MAP6: variants seen among roughly 807,000 people sequenced by gnomAD.
MAP6 encodes microtubule associated protein 6.
Under a neutral mutation model 42.4 loss-of-function variants are expected in MAP6, and 26 were observed. That is an observed-to-expected ratio of 0.61 (90% CI 0.45 to 0.85). MAP6 has a LOEUF of 0.85. Ranked by LOEUF, MAP6 falls within the 40% of genes least tolerant of loss-of-function variation. The pLI is 0.00. For synonymous variants in MAP6, 418 were observed against 443.8 expected (o/e 0.94, Z 0.73); for missense variants, 966 against 1,099.0 (o/e 0.88, Z 1.71).
rs557888960 is a variant in MAP6, at chr11:75,667,114, A to G, written c.905+351T>C. On this transcript the variant is annotated intron_variant, in intron 1 of 3. Transcript: ENST00000304771. This position sits in a 1 kb window ranked among gnomAD's most constrained non-coding sequence, Gnocchi z 5.6. ...CAAAGGGCAACATCCAGGCTAACGCAGCAGGTGAGTTGGATGGGGGCACGA... is the reference window on the plus strand; with the variant it reads ...CAAAGGGCAACATCCAGGCTAACGCGGCAGGTGAGTTGGATGGGGGCACGA... Among the ~76,000 whole-genome samples the G allele has an allele frequency of 3.9e-4, 59 of 152,284 alleles. No homozygotes were observed. The highest frequency in any genetic ancestry group is 7.4e-4 in the Non-Finnish European group (50 of 68,014).
rs79430183 is a variant in MAP6, at chr11:75,644,835, G to A, written c.905+22630C>T. Among the ~76,000 whole-genome samples, 383 of 152,202 alleles carry A rather than the reference G, an allele frequency of 2.5e-3. 1 individual carries two copies. The highest frequency in any genetic ancestry group is 8.5e-3 in the African/African-American group (355 of 41,544). On this transcript the variant is annotated intron_variant, in intron 1 of 3. Coordinates refer to ENST00000304771, the MANE Select transcript of MAP6 (RefSeq NM_033063.2). ...TAAGCTCCCCTCTCCCCCACAAAAT[G>A]CATAGAAATGCTACATAAAATATAG...
chr11:75,667,886 C>G lies in MAP6; in HGVS notation c.484G>C (p.Ala162Pro). 1.4e-6 allele frequency: 2 copies of G among 1,443,774 alleles called. No individual in the cohort carries two copies. The highest frequency in any genetic ancestry group is 1.8e-6 in the Non-Finnish European group (2 of 1,095,384). 89.4% of individuals were successfully genotyped at this position (1,443,774 alleles called of 1,614,324 possible). The part of the protein sequence containing the change: ...RETQYQKDFR[A>P]WPLPRRGDHP... ...TCCCCGCGGCGCGGCAGCGGCCAGG[C>G]GCGGAAGTCCTTCTGGTACTGGGTC... Residue 162 changes from alanine to proline, a missense_variant, in exon 1 of 4, where the codon GCC becomes CCC. Around this residue, in one of 2 missense-constraint regions of MAP6, gnomAD observed 943 missense variants for 1,049.9 expected, o/e 0.90. Coordinates refer to ENST00000304771, the MANE Select transcript of MAP6 (RefSeq NM_033063.2). This position sits in a 1 kb window ranked among gnomAD's most constrained non-coding sequence, Gnocchi z 5.6.
chr11:75,649,164 T>C (rs1030929244), intron 1 of MAP6, among the ~76,000 whole-genome samples: 1 of 152,018 alleles, frequency 6.6e-6, no homozygotes, highest in Non-Finnish European at 1.5e-5. Context: ...AAATAAATAA[T>C]ATGTGATATT....
At chr11:75,603,652 A>G in intron 3 of MAP6, 1 of 985,200 alleles carries the variant, frequency 1.0e-6, no homozygotes. Flanking sequence ...GATTTGGGCA[A>G]CACCAACTTG....
At chr11:75,594,252 G>A (rs886297938) in intron 3 of MAP6, 1 of 152,232 alleles carries the variant, frequency 6.6e-6, no homozygotes, top group Non-Finnish European at 1.5e-5. Context: ...CCAGGCCAAC[G>A]GCACCACAGG....
At chr11:75,653,314 C>A (rs1379774653) in intron 1 of MAP6, among the ~76,000 whole-genome samples, 1 of 152,196 alleles carries the variant, frequency 6.6e-6, no homozygotes. Context: ...GTGAAATATA[C>A]CAAATCCTCG....
At chr11:75,624,521 A>C (rs540700588) in intron 1 of MAP6, among the ~76,000 whole-genome samples, 2 of 151,998 alleles carry the variant, frequency 1.3e-5, no homozygotes, top group Non-Finnish European at 2.9e-5. Flanking sequence ...GCCTGACTGG[A>C]ACCCAGGCCC....
intron 1 of MAP6, among the ~76,000 whole-genome samples, chr11:75,645,819 AT>A (rs562321512): frequency 3.2e-4 from 48 of 152,314 alleles, no homozygotes; most frequent in Middle Eastern, 6.8e-3. Context: ...ATTTGAGAAA[AT>A]TAGTGAAAGA....
intron 3 of MAP6, chr11:75,604,008 A>G (rs1942713243): frequency 1.0e-6 from 1 of 985,748 alleles, no homozygotes; most frequent in Non-Finnish European, 1.2e-6. Flanking sequence ...AAGAGTTGGA[A>G]TCAGTGCCAG....
intron 1 of MAP6, among the ~76,000 whole-genome samples, chr11:75,614,579 C>T (rs139331821): frequency 8.5e-5 from 13 of 152,338 alleles, no homozygotes; most frequent in African/African-American, 3.1e-4. Context: ...GGAACTGAGG[C>T]TTCCTCCCAA....
Position 75,608,171 on chromosome 11 carries a change from T to C in MAP6, c.1057A>G (p.Lys353Glu). ...CGTATTCTTCTGCGATCAATGACCTTATTGTCAGCTGTTGTTGGCTTGCTG... is the reference window on the plus strand; with the variant it reads ...CGTATTCTTCTGCGATCAATGACCTCATTGTCAGCTGTTGTTGGCTTGCTG... ...EASKPTTADN[K>E]VIDRRRIRSL... Residue 353 changes from lysine (K) to glutamate (E), a missense_variant, in exon 2 of 4, where the codon AAG (lysine) becomes GAG (glutamate). By Grantham distance (56) the Lys-to-Glu change is moderately conservative (BLOSUM62 1). Transcript: ENST00000304771. 6.2e-7 allele frequency: 1 copy of C among 1,614,176 alleles called. No individual in the cohort carries two copies. The highest frequency in any genetic ancestry group is 8.5e-7 in the Non-Finnish European group (1 of 1,180,024).
At chr11:75,631,545 A>C (rs751493697) in intron 1 of MAP6, among the ~76,000 whole-genome samples, 3 of 152,182 alleles carry the variant, frequency 2.0e-5, no homozygotes, top group Non-Finnish European at 4.4e-5. Context: ...GCACAGCTAC[A>C]GTGATGGATG....
rs750284301 is a variant in MAP6 at position 75,587,112 on chromosome 11, G to A, written c.2389C>T (p.Arg797Ter). Residue 797 changes from arginine to a stop codon, truncating the protein, a stop_gained, in exon 4 of 4, where the codon CGA (arginine) becomes TGA (stop). Coordinates refer to ENST00000304771, the MANE Select transcript of MAP6 (RefSeq NM_033063.2). LOFTEE classifies it high-confidence loss of function. Reference sequence around the variant, plus strand: ...TGGGGGGCAGTTGGGATCATGACTCGGGGTAGAGGTGAGACAGTAGGTAGC... The same window carrying A: ...TGGGGGGCAGTTGGGATCATGACTCAGGGTAGAGGTGAGACAGTAGGTAGC... Reference protein sequence around the residue: ...PQLPTVSPLPRVMIPTAPHTE... With the variant: ...PQLPTVSPLP The A allele has an allele frequency of 1.7e-5, 27 of 1,610,134 alleles. No homozygotes were observed. Among genetic ancestry groups the A allele is most frequent in the East Asian group, 2.2e-5 (1 of 44,744 alleles).
intron 1 of MAP6, among the ~76,000 whole-genome samples, chr11:75,616,236 T>C (rs1327055932): frequency 2.0e-5 from 3 of 152,228 alleles, no homozygotes; most frequent in Non-Finnish European, 4.4e-5. Flanking sequence ...GAGGAATTTA[T>C]TTATTATGTA....
At chr11:75,640,735 G>A (rs1943452950) in intron 1 of MAP6, among the ~76,000 whole-genome samples, 1 of 152,180 alleles carries the variant, frequency 6.6e-6, no homozygotes, top group South Asian at 2.1e-4. Context: ...ATGAAAAAAT[G>A]CTCATCATCA....
intron 3 of MAP6, among the ~76,000 whole-genome samples, chr11:75,600,033 T>C (rs954849161): frequency 3.3e-5 from 5 of 152,216 alleles, no homozygotes; most frequent in African/African-American, 1.2e-4. Context: ...GCTGTAATTC[T>C]TTAAAAGCAA....
At chr11:75,632,606 A>G (rs987494102) in intron 1 of MAP6, among the ~76,000 whole-genome samples, 10 of 152,230 alleles carry the variant, frequency 6.6e-5, no homozygotes, top group Admixed American at 4.6e-4. Context: ...TGTTCAAAGA[A>G]GATAGATACA....
chr11:75,588,747 C>G (rs1942419064), intron 3 of MAP6, among the ~76,000 whole-genome samples: 1 of 152,174 alleles, frequency 6.6e-6, no homozygotes, highest in Admixed American at 6.5e-5. Flanking sequence ...GTGGGAATGC[C>G]CCTCTCTCCC....
At chr11:75,655,413 G>A (rs1447807825) in intron 1 of MAP6, among the ~76,000 whole-genome samples, 10 of 152,180 alleles carry the variant, frequency 6.6e-5, no homozygotes, top group Admixed American at 2.6e-4. Context: ...GCTGTGATTC[G>A]GTCAGAGCAC....
Sources: allele counts gnomAD v4.1 joint callset (sites outside exome capture counted in the v4.1 genomes callset), GRCh38; gene constraint gnomAD v4.1.1; regional missense constraint gnomAD v4.1.1; non-coding constraint Gnocchi (gnomAD v3.1); transcripts MANE v1.5; gene names NCBI Gene and HGNC (gene_info 2026-07-23, HGNC 2026-07-21).